The following IGFL4 variants were observed in gnomAD, a reference collection of about 807,000 sequenced individuals.
IGFL4 encodes the protein insulin growth factor-like family member 4.
IGFL4 carries 12 observed loss-of-function variants against 15.4 expected under a neutral mutation model. The ratio of observed to expected loss-of-function variants is 0.78; its 90% confidence interval spans 0.50 to 1.26. IGFL4 has a LOEUF of 1.26. IGFL4 is among the 50% of genes most tolerant of loss of function. IGFL4 has a pLI of 0.00. For missense variants in IGFL4, 126 were observed against 147.8 expected, an observed-to-expected ratio of 0.85 and a Z score of 0.76; for synonymous variants, 54 against 55.9, an observed-to-expected ratio of 0.97 and a Z score of 0.16.
At chr19:46,072,250 C>T (rs112045742) in intron 1 of IGFL4, among the ~76,000 whole-genome samples, 75 of 152,288 alleles carry the variant, frequency 4.9e-4, no homozygotes, top group African/African-American at 1.6e-3. Flanking sequence ...AGTTTCCCAA[C>T]GGAAGTGCAA....
intron 1 of IGFL4, among the ~76,000 whole-genome samples, chr19:46,068,559 T>C (rs1414267496): frequency 2.0e-5 from 3 of 152,220 alleles, no homozygotes; most frequent in East Asian, 1.9e-4. Context: ...GGGATTCATT[T>C]TGGGGATCCC....
chr19:46,061,069 T>C (rs1352727880), intron 1 of IGFL4, among the ~76,000 whole-genome samples: 1 of 152,224 alleles, frequency 6.6e-6, no homozygotes, highest in Admixed American at 6.5e-5. Flanking sequence ...CCCCTTTAAC[T>C]TTAGCCAACA....
upstream of IGFL4, among the ~76,000 whole-genome samples, chr19:46,042,193 A>G (rs1969253161): frequency 2.0e-5 from 3 of 151,948 alleles, no homozygotes; most frequent in Non-Finnish European, 2.9e-5. Context: ...ATTTCATGCA[A>G]TAAACTAGCT....
chr19:46,072,958 A>G (rs189611009), intron 1 of IGFL4, among the ~76,000 whole-genome samples: 2 of 152,206 alleles, frequency 1.3e-5, no homozygotes, highest in Admixed American at 6.5e-5. Flanking sequence ...TACAGACTCA[A>G]GAAAACACAA....
chr19:46,046,435 A>T (rs936135165), intron 2 of IGFL4, among the ~76,000 whole-genome samples: 3 of 152,208 alleles, frequency 2.0e-5, no homozygotes, highest in Non-Finnish European at 4.4e-5. Flanking sequence ...AAGTGGGCTA[A>T]ATTCCTGAAT....
chr19:46,070,494 TA>T (rs77897441), intron 1 of IGFL4, among the ~76,000 whole-genome samples: 80 of 144,748 alleles, frequency 5.5e-4, no homozygotes, highest in African/African-American at 5.8e-4. Flanking sequence ...TTTTAATAAC[TA>T]AAAAAAAAAA....
In IGFL4 at chr19:46,040,082, T is replaced by G; in HGVS notation, c.330+75A>C. On this transcript the variant is annotated intron_variant, in intron 3 of 3. Transcript: ENST00000377697. The surrounding 1 kb of genome is among the most constrained non-coding windows in gnomAD (Gnocchi z 4.1). ...TGGAACCCAGCAGAGACTGCACATC[T>G]GGGTGGGACATGGACAACCAAGCTC... 6.3e-7 allele frequency: 1 copy of G among 1,576,848 alleles called. No individual in the cohort carries two copies. Among genetic ancestry groups the G allele is most frequent in the Non-Finnish European group, 8.7e-7 (1 of 1,148,542 alleles).
chr19:46,049,291 T>C (rs968853215), intron 2 of IGFL4, among the ~76,000 whole-genome samples: 5 of 152,342 alleles, frequency 3.3e-5, no homozygotes, highest in Middle Eastern at 3.4e-3. Context: ...GGAGGTGGAT[T>C]GCTGCTGCAG....
At chr19:46,045,789 T>C (rs575818388), upstream of IGFL4, among the ~76,000 whole-genome samples, 9 of 152,218 alleles carry the variant, frequency 5.9e-5, no homozygotes, top group Middle Eastern at 3.4e-3. Flanking sequence ...CTATGACTGA[T>C]TGGGGTACCT....
chr19:46,039,459 T>C lies in IGFL4; in HGVS notation c.*433A>G, dbSNP rs1208643092. Among the ~76,000 whole-genome samples the C allele has an allele frequency of 1.6e-5, 2 of 122,976 alleles. No homozygotes were observed. Among genetic ancestry groups the C allele is most frequent in the Non-Finnish European group, 3.4e-5 (2 of 58,918 alleles). The allele number at this position is 122,976 out of a possible 152,430, so 80.7% of individuals were successfully genotyped here. A position where few individuals can be genotyped will look rare whatever the true frequency, so the allele number is the denominator to read the frequency against. On this transcript the variant is annotated 3_prime_UTR_variant, in exon 4 of 4. Coordinates refer to ENST00000377697, the MANE Select transcript of IGFL4 (RefSeq NM_001002923.3). ...CATTGGTAGCTTGATGGGGATGGCA[T>C]TGAATCTGTAAATTACCTTGGGCAG...
intron 2 of IGFL4, among the ~76,000 whole-genome samples, chr19:46,056,881 C>T (rs1969398164): frequency 6.6e-6 from 1 of 152,208 alleles, no homozygotes; most frequent in African/African-American, 2.4e-5. Context: ...GACACAAATT[C>T]CTGAAACCTT....
At chr19:46,047,768 G>C (rs1296611511) in intron 2 of IGFL4, among the ~76,000 whole-genome samples, 1 of 152,014 alleles carries the variant, frequency 6.6e-6, no homozygotes, top group Non-Finnish European at 1.5e-5. Flanking sequence ...TCCGAAATTG[G>C]GGGGTAATAA....
At chr19:46,064,906 A>T (rs934251117) in intron 1 of IGFL4, among the ~76,000 whole-genome samples, 1 of 152,202 alleles carries the variant, frequency 6.6e-6, no homozygotes, top group African/African-American at 2.4e-5. Flanking sequence ...CATTCCTACC[A>T]ACAGTGTATG....
chr19:46,071,403 CTAGT>C (rs1383479368), intron 1 of IGFL4, among the ~76,000 whole-genome samples: 1 of 152,196 alleles, frequency 6.6e-6, no homozygotes, highest in African/African-American at 2.4e-5. Context: ...ACTAGTATCA[CTAGT>C]TGGTTCTGCT....
intron 2 of IGFL4, chr19:46,058,966 A>T (rs1969419487): frequency 6.6e-6 from 1 of 152,146 alleles, no homozygotes; most frequent in African/African-American, 2.4e-5. Context: ...TAATTTTCTG[A>T]TGTTGCTATG....
intron 1 of IGFL4, among the ~76,000 whole-genome samples, chr19:46,072,230 G>T (rs1969553237): frequency 6.6e-6 from 1 of 152,230 alleles, no homozygotes; most frequent in Admixed American, 6.5e-5. Flanking sequence ...TTTGGACTCT[G>T]CCTGGGGACA....
intron 2 of IGFL4, among the ~76,000 whole-genome samples, chr19:46,048,354 T>C: frequency 6.6e-6 from 1 of 152,270 alleles, no homozygotes; most frequent in African/African-American, 2.4e-5. Context: ...CCTTGAAAAC[T>C]GGCACAAGAC....
chr19:46,043,057 C>G (rs1285327802), upstream of IGFL4, among the ~76,000 whole-genome samples: 1 of 152,128 alleles, frequency 6.6e-6, no homozygotes, highest in Non-Finnish European at 1.5e-5. Flanking sequence ...GTAAACCTAC[C>G]CCCAAAGCTC....
At chr19:46,062,104 T>C (rs893296561) in intron 1 of IGFL4, among the ~76,000 whole-genome samples, 3 of 152,182 alleles carry the variant, frequency 2.0e-5, no homozygotes, top group African/African-American at 7.2e-5. Flanking sequence ...AGGAGTTCCA[T>C]GATGCTAGAG....
Sources: allele counts gnomAD v4.1 joint callset (sites outside exome capture counted in the v4.1 genomes callset), GRCh38; gene constraint gnomAD v4.1.1; non-coding constraint Gnocchi (gnomAD v3.1); transcripts MANE v1.5; gene names NCBI Gene and HGNC (gene_info 2026-07-23, HGNC 2026-07-21).